RRP12: variants seen among roughly 807,000 people sequenced by gnomAD.
The protein encoded by RRP12 is RRP12-like protein.
Under a neutral mutation model 157.3 loss-of-function variants are expected in RRP12, and 78 were observed. That is an observed-to-expected ratio of 0.50 (90% CI 0.41 to 0.60). The LOEUF (loss-of-function observed/expected upper bound fraction) is 0.60. Ranked by LOEUF, RRP12 falls within the 20% of genes least tolerant of loss-of-function variation. The pLI is 0.00. For missense variants in RRP12, 1,521 were observed against 1,679.9 expected, an observed-to-expected ratio of 0.91 and a Z score of 1.65; for synonymous variants, 726 against 670.9, an observed-to-expected ratio of 1.08 and a Z score of -1.27.
intron 30 of RRP12, among the ~76,000 whole-genome samples, chr10:97,360,917 G>C (rs1298758940): frequency 1.3e-5 from 2 of 152,202 alleles, no homozygotes; most frequent in Non-Finnish European, 2.9e-5. Context: ...ATTGCCCAGA[G>C]GGCTTCTGAC....
chr10:97,399,146 G>A (rs1166937206), intron 2 of RRP12, among the ~76,000 whole-genome samples: 3 of 152,158 alleles, frequency 2.0e-5, no homozygotes, highest in South Asian at 2.1e-4. Flanking sequence ...GGTGGCGCAC[G>A]CCTCTAATCC....
chr10:97,378,513 G>A (rs1487009517), intron 15 of RRP12, among the ~76,000 whole-genome samples: 1 of 152,160 alleles, frequency 6.6e-6, no homozygotes, highest in African/African-American at 2.4e-5. Context: ...TCATTGAAAC[G>A]TCATGTGGCG....
At chr10:97,365,942 A>C in intron 29 of RRP12, 166 bp downstream of exon 29, 1 of 857,520 alleles carries the variant, frequency 1.2e-6, no homozygotes, top group South Asian at 1.5e-5. Context: ...CAACATAAAA[A>C]GATTTCTTAA....
chr10:97,363,463 CTGGTCACTGGGACA>C (rs757527645), intron 30 of RRP12, among the ~76,000 whole-genome samples: 6,385 of 152,304 alleles, frequency 0.042, 219 homozygotes, highest in Non-Finnish European at 0.063. Flanking sequence ...GTACGCTCCT[CTGGTCACTGGGACA>C]ACGGAGTCCC....
chr10:97,380,803 C>G lies in RRP12; in HGVS notation c.1529G>C (p.Arg510Thr). 6.2e-7 allele frequency: 1 copy of G among 1,612,492 alleles called. No individual in the cohort carries two copies. Among genetic ancestry groups the G allele is most frequent in the Non-Finnish European group, 8.5e-7 (1 of 1,178,458 alleles). ...CCCCAGCCGCTCCCCACTCACCTTC[C>G]TCATCACAGGGTGGGCCTGTCTCCC... ...ACGRQAHPVMRKCLQSLCDLR... is the reference protein window; with the variant it reads ...ACGRQAHPVMTKCLQSLCDLR... Residue 510 changes from arginine to threonine, a missense_variant, in exon 13 of 34, where the codon AGG becomes ACG. Physicochemically the swap from Arg to Thr is moderately conservative, Grantham distance 71. Transcript: ENST00000370992.
chr10:97,365,799 G>T, intron 29 of RRP12: 1 of 282,566 alleles, frequency 3.5e-6, no homozygotes, highest in Admixed American at 5.5e-5. Context: ...GGAAGAAAAG[G>T]AGAAAGGAAG....
Position 97,357,201 on chromosome 10 carries a change from AGGGCC to A in RRP12, c.3792-10_3792-6del, listed in dbSNP as rs1843733594. 1 of 1,589,694 alleles carries A rather than the reference AGGGCC, an allele frequency of 6.3e-7. No homozygotes were observed. Among genetic ancestry groups the A allele is most frequent in the Non-Finnish European group, 8.6e-7 (1 of 1,160,536 alleles). On this transcript the variant is annotated splice_polypyrimidine_tract_variant and splice_region_variant and intron_variant, in intron 33 of 33. Transcript: ENST00000370992. ...CCCTGCAGCTTCATCTTCTTCCTGC[AGGGCC>A]AAGGAACGGAAGGGTCACATCTGGC...
chr10:97,367,249 C>T (rs1055282747), intron 25 of RRP12, 117 bp from the exon 26 acceptor site: 19 of 834,710 alleles, frequency 2.3e-5, no homozygotes, highest in Non-Finnish European at 3.4e-5. Flanking sequence ...AGGGTTAGCG[C>T]GGCCCTGCTC....
At chr10:97,372,881 A>T (rs1196357830) in intron 18 of RRP12, 78 bp from the exon 19 acceptor site, 1 of 1,468,952 alleles carries the variant, frequency 6.8e-7, no homozygotes, top group African/African-American at 1.4e-5. Context: ...GCAGTCCCAG[A>T]GCGGCCTCCC....
intron 17 of RRP12, 38 bp downstream of exon 17, chr10:97,373,537 C>T: frequency 6.4e-7 from 1 of 1,550,690 alleles, no homozygotes; most frequent in South Asian, 1.2e-5. Context: ...GGACCTGTGT[C>T]ATCCTCCCCA....
At chr10:97,367,556 C>T (rs367774466) in intron 25 of RRP12, among the ~76,000 whole-genome samples, 301 of 152,326 alleles carry the variant, frequency 2.0e-3, no homozygotes, top group African/African-American at 7.1e-3. Flanking sequence ...GCGGCTCCCG[C>T]TTTGCCCCTA....
At chr10:97,392,232 A>G (rs989626959) in intron 4 of RRP12, among the ~76,000 whole-genome samples, 1 of 152,046 alleles carries the variant, frequency 6.6e-6, no homozygotes, top group African/African-American at 2.4e-5. Flanking sequence ...CAGCCTCCCA[A>G]AGTGCTGGGA....
intron 3 of RRP12, 75 bp from the exon 4 acceptor site, chr10:97,393,835 T>C (rs557895981): frequency 1.8e-5 from 22 of 1,229,574 alleles, no homozygotes; most frequent in Admixed American, 1.7e-4. Flanking sequence ...TGGGGGAACA[T>C]GTGCCCAGCA....
intron 2 of RRP12, 83 bp downstream of exon 2, chr10:97,400,222 G>A (rs912594114): frequency 3.0e-6 from 3 of 989,022 alleles, no homozygotes; most frequent in Non-Finnish European, 3.2e-6. Flanking sequence ...GTTGTCATCG[G>A]AGACCTGTCG....
At position 97,367,169 on chromosome 10, in the gene RRP12, C is replaced by G. The variant is rs7896111; in HGVS notation, c.2956-37G>C. 2.4e-4 allele frequency: 380 copies of G among 1,572,800 alleles called. 1 individual carries two copies. The African/African-American group carries it at 3.8e-3, about 16-fold the overall frequency. On this transcript the variant is annotated intron_variant, in intron 25 of 33. Coordinates refer to ENST00000370992, the MANE Select transcript of RRP12 (RefSeq NM_015179.4). ...AGCACCAGGCTTTCAGGGAGGCGAGCCTTCCATGCTGCGCCCCCTTTACTG... is the reference window on the plus strand; with the variant it reads ...AGCACCAGGCTTTCAGGGAGGCGAGGCTTCCATGCTGCGCCCCCTTTACTG...
In RRP12 at chr10:97,373,051, T is replaced by C. The variant is rs758791489; in HGVS notation, c.2176A>G (p.Thr726Ala). ...CCCTCCCTTCCGTGGCTCACCTGAG[T>C]GTCAGTGATGGTGAGGTAAGTTCTG... ...TIRTYLTITD[T>A]QLVNSLLEKA... is the part of the protein sequence containing the mutation. Residue 726 changes from threonine to alanine, a missense_variant, in exon 18 of 34, where the codon ACT becomes GCT. By Grantham distance (58) the Thr-to-Ala change is moderately conservative. Transcript: ENST00000370992. 1 of 1,610,686 alleles carries C rather than the reference T, an allele frequency of 6.2e-7. No homozygotes were observed. Among genetic ancestry groups the C allele is most frequent in the South Asian group, 1.1e-5 (1 of 90,764 alleles).
Position 97,366,160 on chromosome 10 carries a change from G to A in RRP12, c.3465C>T (p.Ile1155=). 6.2e-7 allele frequency: 1 copy of A among 1,608,344 alleles called. No individual in the cohort carries two copies. ...GFKVSADGRL[I]IREEADGNKM... is the part of the protein sequence containing the mutation. ...TGTTGCCGTCTGCCTCCTCCCTTAT[G>A]ATCAGCCGGCCATCGGCGCTCACCT... The change falls in exon 29 of 34, where the codon ATC becomes ATT. Residue 1155 remains isoleucine (I), a synonymous_variant. Coordinates refer to ENST00000370992, the MANE Select transcript of RRP12 (RefSeq NM_015179.4).
In RRP12 at chr10:97,366,228, G is replaced by C; in HGVS notation, c.3397C>G (p.Gln1133Glu). ...PKVAQRVLAT[Q>E]PGPGRGRKKD... The stretch of plus-strand genomic sequence containing the variant: ...TTCCTGCCCCGGCCTGGCCCTGGCT[G>C]CGTGGCTGGGGTGTAGAGTTTGGCA... The change falls in exon 29 of 34, where the codon CAG (glutamine) becomes GAG (glutamate). Residue 1133 changes from glutamine (Q) to glutamate (E), a missense_variant. Transcript: ENST00000370992. The C allele has an allele frequency of 6.2e-7, 1 of 1,611,618 alleles. No individual in the cohort carries two copies. Among genetic ancestry groups the C allele is most frequent in the Non-Finnish European group, 8.5e-7 (1 of 1,179,968 alleles).
Position 97,381,724 on chromosome 10 carries a change from C to T in RRP12, c.1311G>A (p.Gln437=), listed in dbSNP as rs774107931. 6.2e-7 allele frequency: 1 copy of T among 1,613,586 alleles called. No individual in the cohort carries two copies. Among genetic ancestry groups the T allele is most frequent in the Non-Finnish European group, 8.5e-7 (1 of 1,179,562 alleles). Residue 437 remains glutamine (Q), a synonymous_variant, in exon 11 of 34, where the codon CAG becomes CAA. Transcript: ENST00000370992. ...GCTAAAGTTGCAGTACCTTGAGGCT[C>T]TGCGTAGCAGCAGTCAGCACTTGCG... ...PHSQVLTAAT[Q]SLKEILKECV...
Sources: allele counts gnomAD v4.1 joint callset (sites outside exome capture counted in the v4.1 genomes callset), GRCh38; gene constraint gnomAD v4.1.1; transcripts MANE v1.5; gene names NCBI Gene and HGNC (gene_info 2026-07-23, HGNC 2026-07-21).